Variants in NRCAM observed in about 807,000 individuals in gnomAD.
NRCAM encodes NgCAM-related cell adhesion molecule.
NRCAM carries 83 observed loss-of-function variants against 156.5 expected under a neutral mutation model. The observed-to-expected ratio is 0.53, with a 90% CI of 0.44 to 0.64. The LOEUF (loss-of-function observed/expected upper bound fraction) is 0.64, where lower values mean the gene tolerates loss of function less well. Ranked by LOEUF, NRCAM falls within the 30% of genes least tolerant of loss-of-function variation. NRCAM has a pLI of 0.00. For synonymous variants in NRCAM, 538 were observed against 563.9 expected, an observed-to-expected ratio of 0.95 and a Z score of 0.65; for missense variants, 1,417 against 1,597.3, an observed-to-expected ratio of 0.89 and a Z score of 1.92.
chr7:108,346,487 A>G (rs2099355328), intron 2 of NRCAM, among the ~76,000 whole-genome samples: 1 of 152,198 alleles, frequency 6.6e-6, no homozygotes, highest in Non-Finnish European at 1.5e-5. Context: ...TACTCACTAC[A>G]TGGTTAATTA....
chr7:108,151,835 A>G (rs1372906473), intron 32 of NRCAM, among the ~76,000 whole-genome samples: 3 of 152,296 alleles, frequency 2.0e-5, no homozygotes, highest in Admixed American at 6.5e-5. Flanking sequence ...GAAGAGTTCA[A>G]TAACAGGCAG....
At chr7:108,269,810 C>G (rs2097271660) in intron 3 of NRCAM, among the ~76,000 whole-genome samples, 1 of 152,102 alleles carries the variant, frequency 6.6e-6, no homozygotes, top group South Asian at 2.1e-4. Flanking sequence ...GGGATACAGA[C>G]AATATTTCAT....
chr7:108,214,695 GGGTATCAAAT>G (rs967191878), intron 11 of NRCAM, among the ~76,000 whole-genome samples: 2 of 152,074 alleles, frequency 1.3e-5, no homozygotes, highest in Non-Finnish European at 2.9e-5. Context: ...TGTGATGTTA[GGGTATCAAAT>G]TTAGATCTTT....
At chr7:108,342,159 T>C (rs941623210) in intron 2 of NRCAM, among the ~76,000 whole-genome samples, 2 of 152,206 alleles carry the variant, frequency 1.3e-5, no homozygotes, top group Non-Finnish European at 2.9e-5. Context: ...GACACTCTTG[T>C]CCTTCAGTAA....
chr7:108,368,578 A>G (rs542477747), intron 2 of NRCAM, among the ~76,000 whole-genome samples: 3 of 152,170 alleles, frequency 2.0e-5, no homozygotes, highest in Non-Finnish European at 4.4e-5. Context: ...ATGTGACGAG[A>G]CATATATTTC....
chr7:108,282,498 T>C (rs1346377334), intron 3 of NRCAM, among the ~76,000 whole-genome samples: 2 of 152,242 alleles, frequency 1.3e-5, no homozygotes, highest in African/African-American at 4.8e-5. Flanking sequence ...TTTTTCTATT[T>C]GGTACTTGGA....
chr7:108,187,967 A>C (rs1258701509), intron 20 of NRCAM, among the ~76,000 whole-genome samples: 1 of 152,172 alleles, frequency 6.6e-6, no homozygotes, highest in Non-Finnish European at 1.5e-5. Context: ...AAAAAAAAGA[A>C]GTGCAAGAGG....
chr7:108,359,164 T>C lies in NRCAM; in HGVS notation c.-174+40272A>G, dbSNP rs78857803. Among the ~76,000 whole-genome samples the C allele has an allele frequency of 3.4e-3, 521 of 152,300 alleles. 22 individuals are homozygous for C. The East Asian group carries it at 0.085, about 25-fold the overall frequency. ...ACCTTCCAATCCATCAATCTATTCA[T>C]CCATTCATCCATCCATCCATTTAAT... On this transcript the variant is annotated intron_variant, in intron 2 of 32. Transcript: ENST00000379028.
chr7:108,160,321 T>G, intron 31 of NRCAM, 40 bp downstream of exon 31: 1 of 1,561,014 alleles, frequency 6.4e-7, no homozygotes, highest in Non-Finnish European at 8.8e-7. Context: ...AATGGATTAT[T>G]ATGTAGCATT....
chr7:108,309,665 T>C (rs896541386), intron 3 of NRCAM, among the ~76,000 whole-genome samples: 7 of 152,152 alleles, frequency 4.6e-5, no homozygotes, highest in Admixed American at 4.6e-4. Flanking sequence ...AAGACCAGCC[T>C]GGCCAACATG....
At chr7:108,353,798 T>C (rs1317201950) in intron 2 of NRCAM, among the ~76,000 whole-genome samples, 1 of 152,282 alleles carries the variant, frequency 6.6e-6, no homozygotes, top group Non-Finnish European at 1.5e-5. Context: ...CACCATGTGC[T>C]AGGCATTGTG....
At chr7:108,399,712 A>C (rs545567042) in intron 1 of NRCAM, 119 bp from the exon 2 acceptor site, 1 of 152,362 alleles carries the variant, frequency 6.6e-6, no homozygotes, top group South Asian at 2.1e-4. Flanking sequence ...CTATATATCA[A>C]ATTCCATGAT....
At chr7:108,264,125 G>A (rs980301186) in intron 3 of NRCAM, among the ~76,000 whole-genome samples, 2 of 151,002 alleles carry the variant, frequency 1.3e-5, no homozygotes, top group Middle Eastern at 6.8e-3. Flanking sequence ...TTACAGGTGC[G>A]TGCCACCACA....
In NRCAM at chr7:108,308,190, T is replaced by C. The variant is rs143331173; in HGVS notation, c.-107+4475A>G. On this transcript the variant is annotated intron_variant, in intron 3 of 32. Coordinates refer to ENST00000379028, the MANE Select transcript of NRCAM (RefSeq NM_001037132.4). ...GAATTATTTTAATAGAGGTTGTACT[T>C]GCTGGGAACAAGAGCCACAGGGCAG... is the stretch of plus-strand genomic sequence containing the variant. Among the ~76,000 whole-genome samples the C allele has an allele frequency of 1.3e-5, 2 of 152,326 alleles. 1 individual carries two copies. Among genetic ancestry groups the C allele is most frequent in the Admixed American group, 1.3e-4 (2 of 15,300 alleles).
intron 3 of NRCAM, among the ~76,000 whole-genome samples, chr7:108,295,180 T>C (rs114510008): frequency 0.012 from 1,881 of 152,330 alleles, 42 homozygotes; most frequent in African/African-American, 0.043. Context: ...TTTTATTTAA[T>C]TTTAAAATGA....
chr7:108,283,403 A>G (rs973328014), intron 3 of NRCAM, among the ~76,000 whole-genome samples: 2 of 152,212 alleles, frequency 1.3e-5, no homozygotes, highest in Non-Finnish European at 2.9e-5. Context: ...ATGATTGCCA[A>G]GGAAAGGGAG....
intron 2 of NRCAM, among the ~76,000 whole-genome samples, chr7:108,351,344 T>C (rs1240126083): frequency 6.6e-6 from 1 of 152,180 alleles, no homozygotes; most frequent in Non-Finnish European, 1.5e-5. Context: ...TATTCTATTA[T>C]AGCAACACAA....
At chr7:108,384,405 G>A (rs528728125) in intron 2 of NRCAM, among the ~76,000 whole-genome samples, 40 of 152,172 alleles carry the variant, frequency 2.6e-4, no homozygotes, top group African/African-American at 9.4e-4. Flanking sequence ...ATGGGAGATG[G>A]GTTGGGGGAA....
At chr7:108,277,541 T>G (rs927459458) in intron 3 of NRCAM, among the ~76,000 whole-genome samples, 2 of 152,100 alleles carry the variant, frequency 1.3e-5, no homozygotes, top group Non-Finnish European at 2.9e-5. Flanking sequence ...TATTGAAGCT[T>G]GTGTATGCTT....
Sources: allele counts gnomAD v4.1 joint callset (sites outside exome capture counted in the v4.1 genomes callset), GRCh38; gene constraint gnomAD v4.1.1; transcripts MANE v1.5; gene names NCBI Gene and HGNC (gene_info 2026-07-23, HGNC 2026-07-21).